FMO3: variants seen among roughly 807,000 people sequenced by gnomAD.
FMO3 encodes the protein flavin-containing monooxygenase 3.
A neutral mutation model predicts 39.4 loss-of-function variants in FMO3; 40 were observed. The observed-to-expected ratio is 1.02, with a 90% CI of 0.79 to 1.32. The LOEUF (loss-of-function observed/expected upper bound fraction) is 1.32. FMO3 is among the 40% of genes most tolerant of loss of function. FMO3 has a pLI of 0.00. For missense variants in FMO3, 680 were observed against 651.8 expected, an observed-to-expected ratio of 1.04 and a Z score of -0.47; for synonymous variants, 219 against 228.8, an observed-to-expected ratio of 0.96 and a Z score of 0.39.
In FMO3 at chr1:171,107,677, A is replaced by T; in HGVS notation, c.324A>T (p.Thr108=). ...KNLLKYIQFK[T]FVSSVNKHPD... is the part of the protein sequence containing the mutation. ...ATTTCTTTCTGTATTTCTCTTAGAC[A>T]TTTGTATCCAGTGTAAATAAACATC... is the stretch of plus-strand genomic sequence containing the variant. Residue 108 remains threonine, a splice_region_variant and synonymous_variant, in exon 4 of 9, where the codon ACA becomes ACT. Coordinates refer to ENST00000367755, the MANE Select transcript of FMO3 (RefSeq NM_001002294.3). 6.2e-7 allele frequency: 1 copy of T among 1,612,350 alleles called. No homozygotes were observed. The highest frequency in any genetic ancestry group is 8.5e-7 in the Non-Finnish European group (1 of 1,178,548).
chr1:171,096,158 TAATA>T (rs1230893912), intron 2 of FMO3, among the ~76,000 whole-genome samples: 4 of 76,884 alleles, frequency 5.2e-5, no homozygotes, highest in Non-Finnish European at 6.4e-5. Context: ...TATGAATATA[TAATA>T]TATATAATTA....
chr1:171,094,156 T>C (rs1432865715), intron 2 of FMO3, among the ~76,000 whole-genome samples: 1 of 152,150 alleles, frequency 6.6e-6, no homozygotes, highest in Non-Finnish European at 1.5e-5. Flanking sequence ...ATAGCCATTC[T>C]GACTGGTGTA....
intron 4 of FMO3, 67 bp from the exon 5 acceptor site, chr1:171,108,012 G>A (rs951728239): frequency 2.3e-5 from 35 of 1,549,602 alleles, no homozygotes; most frequent in Non-Finnish European, 2.8e-5. Flanking sequence ...TCACAAGGTC[G>A]CTTCTGTTAA....
chr1:171,098,150 ATC>A (rs1364598914), intron 2 of FMO3, among the ~76,000 whole-genome samples: 3 of 152,042 alleles, frequency 2.0e-5, no homozygotes, highest in African/African-American at 4.8e-5. Flanking sequence ...ACTGGTTTAT[ATC>A]TCTGTTTTGG....
chr1:171,116,212 T>C lies in FMO3; in HGVS notation c.1188T>C (p.Thr396=). 6.2e-7 allele frequency: 1 copy of C among 1,600,064 alleles called. No individual in the cohort carries two copies. The highest frequency in any genetic ancestry group is 8.6e-7 in the Non-Finnish European group (1 of 1,167,598). The change falls in exon 8 of 9, where the codon ACT becomes ACC. Residue 396 remains threonine (T), a synonymous_variant. Transcript: ENST00000367755. ...GTGTCTTTCCTTCTTTATCAGGAAC[T>C]TGTACTTTGCCTTCTATGGAAGACA... ...SRWAAQVIKG[T]CTLPSMEDMM...
chr1:171,095,865 A>ATAT (rs1654943513), intron 2 of FMO3, among the ~76,000 whole-genome samples: 1 of 113,546 alleles, frequency 8.8e-6, no homozygotes, highest in Non-Finnish European at 1.7e-5. Context: ...TATAATATAA[A>ATAT]TATATATAAA....
Position 171,096,103 on chromosome 1 carries a change from A to AATTAATTATTATATATTAATAATAT in FMO3, c.132+3315_132+3339dup, listed in dbSNP as rs1655018143. On this transcript the variant is annotated intron_variant, in intron 2 of 8. Transcript: ENST00000367755. ...ATAATATATATTAATATTTTTATAT[A>AATTAATTATTATATATTAATAATAT]ATTAATTATTATATATTAATAATAT... Among the ~76,000 whole-genome samples, 3 of 48,916 alleles carry AATTAATTATTATATATTAATAATAT rather than the reference A, an allele frequency of 6.1e-5. No homozygotes were observed. In the Admixed American group the frequency reaches 1.1e-3, roughly 19 times the overall value. 32.1% of individuals were successfully genotyped at this position (48,916 alleles called of 152,430 possible). A position where few individuals can be genotyped will look rare whatever the true frequency, so the allele number is the denominator to read the frequency against.
chr1:171,101,070 T>A (rs1029398087), intron 2 of FMO3: 6 of 455,832 alleles, frequency 1.3e-5, no homozygotes, highest in Non-Finnish European at 2.6e-5. Context: ...CTATCTTTGA[T>A]GATGGCCAGA....
chr1:171,096,805 T>C (rs967513552), intron 2 of FMO3, among the ~76,000 whole-genome samples: 12 of 147,304 alleles, frequency 8.1e-5, no homozygotes, highest in Middle Eastern at 7.2e-3. Flanking sequence ...TATTTGTAAT[T>C]ATACTTTAAG....
intron 2 of FMO3, chr1:171,101,804 C>T: frequency 2.0e-6 from 1 of 498,284 alleles, no homozygotes; most frequent in South Asian, 1.5e-5. Flanking sequence ...GGCAAAATGT[C>T]CTCTTTTCTC....
intron 6 of FMO3, among the ~76,000 whole-genome samples, chr1:171,112,064 T>A (rs1011251871): frequency 6.6e-6 from 1 of 151,978 alleles, no homozygotes; most frequent in African/African-American, 2.4e-5. Flanking sequence ...AGGGGAAGGG[T>A]ATTCCAGACT....
Position 171,114,316 on chromosome 1 carries a change from TCC to T in FMO3, c.1139_1140del (p.Pro380HisfsTer3), listed in dbSNP as rs775064534. Reference protein sequence around the residue: ...GFVQSLGAAIPTVDLQSRWAA... With the variant: ...GFVQSLGAAIXTVDLQSRWAA... ...TTGTCCAGTCCCTTGGGGCTGCCAT[TCC>T]CACAGTTGACCTCCAGTCCCGCTGG... On this transcript the variant is annotated frameshift_variant, in exon 7 of 9. Transcript: ENST00000367755. LOFTEE classifies it high-confidence loss of function. 6.9e-5 allele frequency: 112 copies of T among 1,613,736 alleles called. No homozygotes were observed. The highest frequency in any genetic ancestry group is 5.6e-4 in the South Asian group (51 of 91,082).
At chr1:171,106,832 C>A (rs1290116914) in intron 3 of FMO3, among the ~76,000 whole-genome samples, 2 of 151,890 alleles carry the variant, frequency 1.3e-5, no homozygotes, top group African/African-American at 4.8e-5. Context: ...CAAACAGAAA[C>A]CTATCCAAAA....
In FMO3 at chr1:171,114,315, T is replaced by G; in HGVS notation, c.1136T>G (p.Ile379Ser). Residue 379 changes from isoleucine (I) to serine (S), a missense_variant, in exon 7 of 9, where the codon ATT (isoleucine) becomes AGT (serine). Physicochemically the swap from Ile to Ser is moderately radical, Grantham distance 142. Transcript: ENST00000367755. ...TTTGTCCAGTCCCTTGGGGCTGCCA[T>G]TCCCACAGTTGACCTCCAGTCCCGC... ...IGFVQSLGAA[I>S]PTVDLQSRWA... 1 of 1,613,922 alleles carries G rather than the reference T, an allele frequency of 6.2e-7. No individual in the cohort carries two copies. The highest frequency in any genetic ancestry group is 8.5e-7 in the Non-Finnish European group (1 of 1,179,918).
chr1:171,101,692 G>T (rs373102593), intron 2 of FMO3: 2 of 500,414 alleles, frequency 4.0e-6, no homozygotes, highest in Admixed American at 2.1e-5. Context: ...CTAGAGCCAC[G>T]ATGATGTATT....
Position 171,110,965 on chromosome 1 carries a change from G to A in FMO3, c.795G>A (p.Lys265=), listed in dbSNP as rs1655882958. The change falls in exon 6 of 9, where the codon AAG becomes AAA. Residue 265 remains lysine (K), a synonymous_variant. Coordinates refer to ENST00000367755, the MANE Select transcript of FMO3 (RefSeq NM_001002294.3). ...LYVKQMNARF[K]HENYGLMPLN... Reference sequence around the variant, plus strand: ...TGAAGCAGATGAATGCAAGATTCAAGCATGAAAACTATGGCTTGATGCCTT... The same window carrying A: ...TGAAGCAGATGAATGCAAGATTCAAACATGAAAACTATGGCTTGATGCCTT... 6.2e-7 allele frequency: 1 copy of A among 1,613,798 alleles called. No homozygotes were observed. Among genetic ancestry groups the A allele is most frequent in the Non-Finnish European group, 8.5e-7 (1 of 1,179,898 alleles).
rs866687477 is a variant in FMO3 at position 171,104,493 on chromosome 1, T to C, written c.321+520T>C. 6.5e-4 allele frequency among the ~76,000 whole-genome samples: 99 copies of C among 151,806 alleles called. 1 individual carries two copies. The highest frequency in any genetic ancestry group is 2.0e-3 in the African/African-American group (84 of 41,332). On this transcript the variant is annotated intron_variant, in intron 3 of 8. Coordinates refer to ENST00000367755, the MANE Select transcript of FMO3 (RefSeq NM_001002294.3). ...AAAGACAGAATAAACTCAAAGAACATAGAATGAAGGGGATATAAAATAAAT... is the reference window on the plus strand; with the variant it reads ...AAAGACAGAATAAACTCAAAGAACACAGAATGAAGGGGATATAAAATAAAT...
chr1:171,091,892 C>CAT (rs1654726551), intron 1 of FMO3, among the ~76,000 whole-genome samples: 1 of 147,394 alleles, frequency 6.8e-6, no homozygotes, highest in African/African-American at 2.5e-5. Flanking sequence ...ATACAGATTG[C>CAT]GTGTGTGTGT....
chr1:171,101,974 T>C (rs780075607), intron 2 of FMO3, among the ~76,000 whole-genome samples: 10 of 152,214 alleles, frequency 6.6e-5, no homozygotes, highest in Non-Finnish European at 1.2e-4. Flanking sequence ...TCTCTCTTTA[T>C]GCTGATTATC....
Sources: gnomAD v4.1 joint callset for allele counts (sites outside exome capture counted in the v4.1 genomes callset) on GRCh38, gnomAD v4.1.1 for gene constraint, MANE v1.5 for transcripts, NCBI Gene and HGNC (gene_info 2026-07-23, HGNC 2026-07-21) for gene names.